The following LRRTM3 variants were observed in gnomAD, a reference collection of about 807,000 sequenced individuals.
The protein encoded by LRRTM3 is leucine-rich repeat transmembrane neuronal protein 3.
Under a neutral mutation model 44.7 loss-of-function variants are expected in LRRTM3, and 24 were observed. That is an observed-to-expected ratio of 0.54 (90% confidence interval 0.39 to 0.76). LRRTM3 has a LOEUF of 0.76. Ranked by LOEUF, LRRTM3 falls within the 30% of genes least tolerant of loss-of-function variation. The probability of loss-of-function intolerance (pLI) is 0.00; values close to 1 mark genes in which losing one functional copy is unlikely to be tolerated. For synonymous variants in LRRTM3, 277 were observed against 278.7 expected (o/e 0.99, Z 0.06); for missense variants, 587 against 702.2 (o/e 0.84, Z 1.85).
In LRRTM3 at chr10:66,979,797, T is replaced by G. The variant is rs1312855200; in HGVS notation, c.1536+51345T>G. Among the ~76,000 whole-genome samples the G allele has an allele frequency of 4.6e-5, 7 of 152,208 alleles. No homozygotes were observed. The East Asian group carries it at 9.6e-4, about 21-fold the overall frequency. ...AGCTTTTTCAAAATTTCCCAAAATT[T>G]TATTCTATGGAGAAAAGGTCCTTTG... On this transcript the variant is annotated intron_variant, in intron 2 of 2. Transcript: ENST00000361320.
chr10:66,983,531 A>T (rs1367903638), intron 2 of LRRTM3, among the ~76,000 whole-genome samples: 1 of 150,802 alleles, frequency 6.6e-6, no homozygotes, highest in East Asian at 1.9e-4. Context: ...AGCCACTGCC[A>T]TTTTCTTCCC....
At chr10:66,971,374 C>T (rs1034909520) in intron 2 of LRRTM3, among the ~76,000 whole-genome samples, 1 of 151,980 alleles carries the variant, frequency 6.6e-6, no homozygotes, top group Non-Finnish European at 1.5e-5. Flanking sequence ...TGCAGTGAGC[C>T]GAGATCGTGC....
Position 66,986,169 on chromosome 10 carries a change from T to A in LRRTM3, c.1536+57717T>A, listed in dbSNP as rs56899400. Among the ~76,000 whole-genome samples the A allele has an allele frequency of 6.3e-3, 954 of 152,314 alleles. 8 individuals are homozygous for A. The highest frequency in any genetic ancestry group is 0.022 in the African/African-American group (912 of 41,572). On this transcript the variant is annotated intron_variant, in intron 2 of 2. Coordinates refer to ENST00000361320, the MANE Select transcript of LRRTM3 (RefSeq NM_178011.5). ...GTCCCAGAGATTAAACCAGTGCCTG[T>A]ATACTTTAGATATAATTACTTGCCA...
At chr10:66,950,859 T>C (rs568071142) in intron 2 of LRRTM3, among the ~76,000 whole-genome samples, 68 of 152,238 alleles carry the variant, frequency 4.5e-4, no homozygotes, top group African/African-American at 1.6e-3. Context: ...GGGAGTTTGG[T>C]CTTAACCCAT....
chr10:67,018,988 G>A (rs574539451), intron 2 of LRRTM3, among the ~76,000 whole-genome samples: 24 of 152,156 alleles, frequency 1.6e-4, no homozygotes, highest in Non-Finnish European at 3.1e-4. Flanking sequence ...ACCCTTATTA[G>A]ATCATAAGTA....
chr10:67,027,678 A>G (rs1338078111), intron 2 of LRRTM3, among the ~76,000 whole-genome samples: 4 of 151,808 alleles, frequency 2.6e-5, no homozygotes, highest in Non-Finnish European at 5.9e-5. Context: ...CTTGTCATCC[A>G]CTGGCCTCCC....
intron 2 of LRRTM3, among the ~76,000 whole-genome samples, chr10:66,979,279 T>C (rs1477046013): frequency 6.6e-6 from 1 of 152,158 alleles, no homozygotes; most frequent in Non-Finnish European, 1.5e-5. Context: ...TAACTATTTC[T>C]TAAGTAGGAC....
intron 2 of LRRTM3, among the ~76,000 whole-genome samples, chr10:66,976,583 C>A (rs1266947489): frequency 6.6e-6 from 1 of 152,122 alleles, no homozygotes; most frequent in Non-Finnish European, 1.5e-5. Flanking sequence ...AGTGACTTCC[C>A]TAAAGAAAAA....
At chr10:67,013,003 C>G (rs994114079) in intron 2 of LRRTM3, 1 of 152,164 alleles carries the variant, frequency 6.6e-6, no homozygotes, top group Non-Finnish European at 1.5e-5. Flanking sequence ...CTTACCAGTT[C>G]TTATGCACTG....
rs1281611394 is a variant in LRRTM3, at chr10:67,099,176, T to C, written c.*1380T>C. On this transcript the variant is annotated 3_prime_UTR_variant, in exon 3 of 3. Coordinates refer to ENST00000361320, the MANE Select transcript of LRRTM3 (RefSeq NM_178011.5). ...ACCAGCCCAGATCATATATTGATTA[T>C]ACAATTGTATTATAAAGTTCATTCA... 4.6e-5 allele frequency: 7 copies of C among 151,850 alleles called. No individual in the cohort carries two copies. The highest frequency in any genetic ancestry group is 8.8e-5 in the Non-Finnish European group (6 of 67,850). 9.4% of individuals were successfully genotyped at this position (151,850 alleles called of 1,614,324 possible).
intron 2 of LRRTM3, among the ~76,000 whole-genome samples, chr10:67,089,467 A>G (rs1276271857): frequency 6.6e-6 from 1 of 152,086 alleles, no homozygotes; most frequent in Non-Finnish European, 1.5e-5. Flanking sequence ...TGGAATGCTA[A>G]AGAGTTCTAG....
intron 2 of LRRTM3, among the ~76,000 whole-genome samples, chr10:67,023,976 G>A (rs887256998): frequency 2.6e-5 from 4 of 152,164 alleles, no homozygotes; most frequent in Non-Finnish European, 5.9e-5. Flanking sequence ...AATCCTCAGA[G>A]TCTATATTAA....
At chr10:66,964,586 G>A (rs1215081816) in intron 2 of LRRTM3, among the ~76,000 whole-genome samples, 4 of 152,118 alleles carry the variant, frequency 2.6e-5, no homozygotes, top group Non-Finnish European at 5.9e-5. Flanking sequence ...CTTTCATCAT[G>A]ACATTTAAAC....
rs111796655 is a variant in LRRTM3, at chr10:66,932,466, A to G, written c.1536+4014A>G. ...AAAAATTCAGAATCTGTGTTGCTTC[A>G]TCTATTCCTTTTTGCTCTGGATTCT... On this transcript the variant is annotated intron_variant, in intron 2 of 2. Transcript: ENST00000361320. Among the ~76,000 whole-genome samples the G allele has an allele frequency of 8.2e-3, 1,241 of 152,240 alleles. 19 individuals carry two copies. Among genetic ancestry groups the G allele is most frequent in the African/African-American group, 0.028 (1,173 of 41,520 alleles).
chr10:67,027,933 T>G (rs984095626), intron 2 of LRRTM3, among the ~76,000 whole-genome samples: 3 of 152,214 alleles, frequency 2.0e-5, no homozygotes, highest in African/African-American at 7.2e-5. Flanking sequence ...GTATAGTACT[T>G]TTTTGTTTAT....
chr10:67,056,648 A>C (rs1855450025), intron 2 of LRRTM3, among the ~76,000 whole-genome samples: 1 of 152,162 alleles, frequency 6.6e-6, no homozygotes, highest in African/African-American at 2.4e-5. Flanking sequence ...GTGGCGACAG[A>C]AAAATAAACA....
At chr10:67,028,648 TAAA>T (rs35905009) in intron 2 of LRRTM3, among the ~76,000 whole-genome samples, 9 of 142,190 alleles carry the variant, frequency 6.3e-5, no homozygotes, top group Non-Finnish European at 3.0e-5. Context: ...TAGTTCTACT[TAAA>T]AAAAAAAAAA....
chr10:66,956,877 C>A (rs940769114), intron 2 of LRRTM3, among the ~76,000 whole-genome samples: 3 of 152,184 alleles, frequency 2.0e-5, no homozygotes, highest in Non-Finnish European at 4.4e-5. Flanking sequence ...GCCTCATCCT[C>A]CTACGGGACA....
chr10:66,935,354 A>G (rs548427931), intron 2 of LRRTM3, among the ~76,000 whole-genome samples: 49 of 152,248 alleles, frequency 3.2e-4, no homozygotes, highest in Non-Finnish European at 6.0e-4. Flanking sequence ...GAAGTTTACC[A>G]TAGTGAAAAC....
Sources: allele counts gnomAD v4.1 joint callset (sites outside exome capture counted in the v4.1 genomes callset), GRCh38; gene constraint gnomAD v4.1.1; transcripts MANE v1.5; gene names NCBI Gene and HGNC (gene_info 2026-07-23, HGNC 2026-07-21).